Variants in ATP7A observed in about 807,000 individuals in gnomAD.
ATP7A encodes the protein ATPase copper transporting alpha.
ATP7A carries 7 observed loss-of-function variants against 83.5 expected under a neutral mutation model. The ratio of observed to expected loss-of-function variants is 0.08; its 90% CI spans 0.05 to 0.16. The LOEUF is 0.16. Ranked by LOEUF, ATP7A falls within the 10% of genes least tolerant of loss-of-function variation. The pLI is 1.00. For missense variants in ATP7A, 940 were observed against 1,120.8 expected (o/e 0.84, Z 2.30); for synonymous variants, 354 against 395.2 (o/e 0.90, Z 1.24).
chrX:78,018,923 G>T (rs1345726280), intron 12 of ATP7A, among the ~76,000 whole-genome samples: 3 of 111,188 alleles, frequency 2.7e-5, no homozygotes, highest in Non-Finnish European at 5.7e-5. Context: ...AAAACCATCA[G>T]ATCTCGTGAA....
intron 12 of ATP7A, among the ~76,000 whole-genome samples, chrX:78,019,787 G>T (rs1310922267): frequency 9.1e-6 from 1 of 110,404 alleles, no homozygotes; most frequent in Non-Finnish European, 1.9e-5. Context: ...CTCAATAGGG[G>T]TGCTATTGCC....
At chrX:77,978,243 T>C (rs919135573) in intron 2 of ATP7A, among the ~76,000 whole-genome samples, 2 of 110,867 alleles carry the variant, frequency 1.8e-5, no homozygotes, top group Non-Finnish European at 3.8e-5. Context: ...TGGGGATATG[T>C]TTAGTTTGGG....
At chrX:77,912,839 T>A (rs1178884927) in intron 1 of ATP7A, among the ~76,000 whole-genome samples, 5 of 111,962 alleles carry the variant, frequency 4.5e-5, no homozygotes, top group African/African-American at 1.6e-4. Context: ...CTTAACTTGA[T>A]AGGAACTATT....
At chrX:78,033,028 C>T (rs1557237327) in intron 16 of ATP7A, among the ~76,000 whole-genome samples, 1 of 112,427 alleles carries the variant, frequency 8.9e-6, no homozygotes, top group East Asian at 2.8e-4. Flanking sequence ...TAATTATCTA[C>T]TGGAAAGAGC....
In ATP7A at chrX:78,012,864, A is replaced by G. The variant is rs781897029; in HGVS notation, c.2173-15A>G. 3.4e-6 allele frequency: 4 copies of G among 1,165,695 alleles called. No individual in the cohort carries two copies. In the East Asian group the frequency reaches 1.2e-4, roughly 35 times the overall value. ...CATTTTTTAAAATTCAATGATTATC[A>G]TTCCTATATTGCAGTTTTTCGGAGG... On this transcript the variant is annotated splice_polypyrimidine_tract_variant and intron_variant, in intron 9 of 22. Transcript: ENST00000341514.
At position 78,029,184 on chromosome X, in the gene ATP7A, A is replaced by G. The variant is rs373455077; in HGVS notation, c.2917-66A>G. The G allele has an allele frequency of 3.2e-5, 34 of 1,076,575 alleles. 1 individual carries two copies. In the East Asian group the frequency reaches 5.1e-4, roughly 16 times the overall value. The allele number at this position is 1,076,575 out of a possible 1,213,427, so 88.7% of individuals were successfully genotyped here. A position where few individuals can be genotyped will look rare whatever the true frequency, so the allele number is the denominator to read the frequency against. The stretch of plus-strand genomic sequence containing the variant: ...TTGTGGTTTTATTTAAATAGTGTTA[A>G]GTTTTGTGTCTTTTGTTTTGTACAG... On this transcript the variant is annotated intron_variant, in intron 14 of 22. Transcript: ENST00000341514.
chrX:77,987,444 TTGTGTGTGTG>T (rs3986431), intron 2 of ATP7A, among the ~76,000 whole-genome samples: 1,215 of 85,836 alleles, frequency 0.014, 10 homozygotes, highest in South Asian at 0.024. Context: ...AACCCAGTAT[TTGTGTGTGTG>T]TGTGTGTGTG....
chrX:78,011,171 C>A lies in ATP7A; in HGVS notation c.1870-5C>A, dbSNP rs2077821779. The A allele has an allele frequency of 8.3e-7, 1 of 1,204,640 alleles. No homozygotes were observed. Among genetic ancestry groups the A allele is most frequent in the East Asian group, 3.0e-5 (1 of 33,728 alleles). On this transcript the variant is annotated splice_region_variant and splice_polypyrimidine_tract_variant and intron_variant, in intron 7 of 22. Coordinates refer to ENST00000341514, the MANE Select transcript of ATP7A (RefSeq NM_000052.7). ...AAATAATTTTTTTCTCATGAATTTC[C>A]TTAGAGCTTAGGTTTTGAAGCTTCT...
rs782375607 is a variant in ATP7A at position 77,940,288 on chromosome X, A to G, written c.-22+29453A>G. On this transcript the variant is annotated intron_variant, in intron 1 of 22. Transcript: ENST00000341514. ...CCCCCTCCAAAAGTACTGGCACCAA[A>G]ATAGAATAACAAATCAATGCAAGAA... Among the ~76,000 whole-genome samples the G allele has an allele frequency of 5.4e-5, 6 of 111,078 alleles. No individual in the cohort carries two copies. In the South Asian group the frequency reaches 2.2e-3, roughly 41 times the overall value.
intron 1 of ATP7A, among the ~76,000 whole-genome samples, chrX:77,970,548 C>T (rs1482884677): frequency 2.7e-5 from 3 of 111,005 alleles, no homozygotes; most frequent in African/African-American, 6.6e-5. Context: ...GGCATGCGCC[C>T]GTAATCTCAG....
At chrX:78,020,867 A>C in intron 13 of ATP7A, 78 bp from the exon 14 acceptor site, 1 of 1,047,604 alleles carries the variant, frequency 9.5e-7, no homozygotes, top group Admixed American at 2.2e-5. Flanking sequence ...CTAACTACTA[A>C]ATATACTCTG....
At position 78,003,140 on chromosome X, in the gene ATP7A, A is replaced by G; in HGVS notation, c.1611A>G (p.Ile537Met). 8.3e-7 allele frequency: 1 copy of G among 1,208,920 alleles called. No individual in the cohort carries two copies. The highest frequency in any genetic ancestry group is 1.1e-6 in the Non-Finnish European group (1 of 892,936). The stretch of plus-strand genomic sequence containing the variant: ...AAGTAAGGTATAATCCTGCTGTTAT[A>G]CAACCCCCAATGATAGCAGAGTTCA... ...KAEVRYNPAVIQPPMIAEFIR... is the reference protein window; with the variant it reads ...KAEVRYNPAVMQPPMIAEFIR... Residue 537 changes from isoleucine (I) to methionine (M), a missense_variant, in exon 6 of 23, where the codon ATA becomes ATG. Transcript: ENST00000341514.
chrX:78,034,721 T>A lies in ATP7A; in HGVS notation c.3511+900T>A, dbSNP rs1010754636. On this transcript the variant is annotated intron_variant, in intron 17 of 22. Transcript: ENST00000341514. ...TTCCATGACCCTGCTTTGTCTAGAT[T>A]CTCCTCTCACCTCCCTGGCTGTTCC... is the stretch of plus-strand genomic sequence containing the variant. 3.6e-5 allele frequency among the ~76,000 whole-genome samples: 4 copies of A among 109,866 alleles called. No homozygotes were observed. In the South Asian group the frequency reaches 1.6e-3, roughly 43 times the overall value.
rs1480388236 is a variant in ATP7A at position 78,038,841 on chromosome X, C to G, written c.3517C>G (p.Leu1173Val). 1 of 1,208,872 alleles carries G rather than the reference C, an allele frequency of 8.3e-7. No individual in the cohort carries two copies. Among genetic ancestry groups the G allele is most frequent in the African/African-American group, 1.7e-5 (1 of 57,158 alleles). Residue 1173 changes from leucine (L) to valine (V), a missense_variant, in exon 18 of 23, where the codon CTT becomes GTT. Around this residue, in one of 3 missense-constraint regions of ATP7A, gnomAD observed 386 missense variants for 502.2 expected, o/e 0.77. Coordinates refer to ENST00000341514, the MANE Select transcript of ATP7A (RefSeq NM_000052.7). ...ATTTCTGTGCCTACTTTCAGATGCT[C>G]TTAATGCTCAGCAGTATAAAGTCCT... is the stretch of plus-strand genomic sequence containing the variant. ...MIIDAQISNALNAQQYKVLIG... is the reference protein window; with the variant it reads ...MIIDAQISNAVNAQQYKVLIG...
At chrX:77,962,483 G>A (rs2077479057) in intron 1 of ATP7A, 4 of 228,236 alleles carry the variant, frequency 1.8e-5, no homozygotes, top group South Asian at 1.6e-4. Flanking sequence ...TTGTTTGTGC[G>A]TTTTGTCCAA....
rs781790392 is a variant in ATP7A, at chrX:77,958,013, C to T, written c.-21-13608C>T. On this transcript the variant is annotated intron_variant, in intron 1 of 22. Coordinates refer to ENST00000341514, the MANE Select transcript of ATP7A (RefSeq NM_000052.7). The stretch of plus-strand genomic sequence containing the variant: ...GATCATAGGGGAAGATCCTTCATGA[C>T]GGGTTTGGCACCATCTCCTTGGTGA... Among the ~76,000 whole-genome samples, 19 of 110,941 alleles carry T rather than the reference C, an allele frequency of 1.7e-4. No homozygotes were observed. In the South Asian group the frequency reaches 5.3e-3, roughly 31 times the overall value.
intron 1 of ATP7A, chrX:77,969,125 C>A (rs1557229202): frequency 1.7e-6 from 2 of 1,211,657 alleles, no homozygotes; most frequent in East Asian, 3.0e-5. Flanking sequence ...ATCTGGGGAA[C>A]TATTTCTTCA....
chrX:77,938,324 A>G (rs1008401448), intron 1 of ATP7A, among the ~76,000 whole-genome samples: 4 of 112,726 alleles, frequency 3.5e-5, no homozygotes, highest in Non-Finnish European at 7.5e-5. Flanking sequence ...TCTGTTACAG[A>G]AAAGCATTTA....
chrX:77,980,048 C>T (rs2077596093), intron 2 of ATP7A, among the ~76,000 whole-genome samples: 2 of 112,030 alleles, frequency 1.8e-5, no homozygotes, highest in African/African-American at 6.5e-5. Flanking sequence ...AGTATAAAAA[C>T]AAATTTAATT....
Sources: gnomAD v4.1 joint callset for allele counts (sites outside exome capture counted in the v4.1 genomes callset) on GRCh38, gnomAD v4.1.1 for gene constraint, gnomAD v4.1.1 regional missense constraint, MANE v1.5 for transcripts, NCBI Gene and HGNC (gene_info 2026-07-23, HGNC 2026-07-21) for gene names.